ZNF804B: variants seen among roughly 807,000 people sequenced by gnomAD.
ZNF804B encodes zinc finger protein 804B, also known as zinc finger 804B.
Under a neutral mutation model 101.4 loss-of-function variants are expected in ZNF804B, and 80 were observed. The ratio of observed to expected loss-of-function variants is 0.79; its 90% CI spans 0.66 to 0.95. The LOEUF is 0.95. Ranked by LOEUF, ZNF804B falls within the 40% of genes least tolerant of loss-of-function variation. The probability of loss-of-function intolerance (pLI) is 0.00; values close to 1 mark genes in which losing one functional copy is unlikely to be tolerated. For missense variants in ZNF804B, 1,673 were observed against 1,561.9 expected, an observed-to-expected ratio of 1.07 and a Z score of -1.20; for synonymous variants, 622 against 558.8, an observed-to-expected ratio of 1.11 and a Z score of -1.59.
chr7:89,200,329 G>GC (rs919738573), intron 1 of ZNF804B, among the ~76,000 whole-genome samples: 1 of 151,858 alleles, frequency 6.6e-6, no homozygotes, highest in African/African-American at 2.4e-5. Context: ...AATTCCTATA[G>GC]CCCCTAACAC....
chr7:88,868,522 A>G (rs1377578216), intron 1 of ZNF804B, among the ~76,000 whole-genome samples: 1 of 152,210 alleles, frequency 6.6e-6, no homozygotes, highest in Middle Eastern at 3.2e-3. Context: ...ATTCAGGCAC[A>G]TACTCCCATA....
chr7:89,269,069 C>A (rs774681102), intron 2 of ZNF804B, among the ~76,000 whole-genome samples: 4 of 151,446 alleles, frequency 2.6e-5, no homozygotes, highest in African/African-American at 7.3e-5. Flanking sequence ...ATGTTTTCTT[C>A]TTTGTTTATT....
chr7:89,324,641 G>T (rs1337958837), intron 2 of ZNF804B, among the ~76,000 whole-genome samples: 1 of 84,496 alleles, frequency 1.2e-5, no homozygotes, highest in East Asian at 2.9e-4. Context: ...TTCTTGCACT[G>T]AGTACATTTA....
intron 1 of ZNF804B, among the ~76,000 whole-genome samples, chr7:89,033,644 T>G (rs984293189): frequency 6.6e-6 from 1 of 152,082 alleles, no homozygotes; most frequent in South Asian, 2.1e-4. Context: ...AATGTGAAAC[T>G]TAAAACATGA....
intron 1 of ZNF804B, among the ~76,000 whole-genome samples, chr7:89,026,999 T>G (rs1788761934): frequency 6.6e-6 from 1 of 152,036 alleles, no homozygotes; most frequent in African/African-American, 2.4e-5. Context: ...GGCCTTAGAA[T>G]AAAATTCCTG....
intron 1 of ZNF804B, among the ~76,000 whole-genome samples, chr7:89,167,466 T>C (rs1047054615): frequency 6.6e-6 from 1 of 151,788 alleles, no homozygotes; most frequent in African/African-American, 2.4e-5. Flanking sequence ...AATAAATAAA[T>C]AAATAATCCC....
intron 1 of ZNF804B, among the ~76,000 whole-genome samples, chr7:89,180,145 A>G (rs1158940781): frequency 1.3e-5 from 2 of 152,204 alleles, no homozygotes; most frequent in South Asian, 2.1e-4. Context: ...TGTGTTGACT[A>G]TTGCTTAGCT....
At chr7:89,241,550 T>C (rs1053769756) in intron 2 of ZNF804B, among the ~76,000 whole-genome samples, 1 of 152,138 alleles carries the variant, frequency 6.6e-6, no homozygotes, top group African/African-American at 2.4e-5. Flanking sequence ...ACCTGATTCA[T>C]AATAGGTACT....
At chr7:89,070,102 C>T (rs556027417) in intron 1 of ZNF804B, among the ~76,000 whole-genome samples, 3 of 152,210 alleles carry the variant, frequency 2.0e-5, no homozygotes, top group Admixed American at 6.5e-5. Context: ...TAACAGCAAA[C>T]AAATCAGTAG....
At chr7:89,085,731 GTAGT>G (rs576528415) in intron 1 of ZNF804B, among the ~76,000 whole-genome samples, 184 of 151,976 alleles carry the variant, frequency 1.2e-3, no homozygotes, top group Middle Eastern at 6.8e-3. Flanking sequence ...TCTGATTACA[GTAGT>G]TAAAGGCTGT....
intron 1 of ZNF804B, among the ~76,000 whole-genome samples, chr7:88,849,600 A>T (rs1179420017): frequency 6.6e-6 from 1 of 151,728 alleles, no homozygotes; most frequent in Admixed American, 6.6e-5. Flanking sequence ...CCTCAGTTCA[A>T]GTAATTCTTC....
chr7:88,947,522 G>A lies in ZNF804B; in HGVS notation c.108+187438G>A, dbSNP rs114602086. The stretch of plus-strand genomic sequence containing the variant: ...AAACACCAGGGCCTGTCAGGTGGTG[G>A]GGGGCTAGGGGAAGGGAGGGGTAGC... On this transcript the variant is annotated intron_variant, in intron 1 of 3. Coordinates refer to ENST00000333190, the MANE Select transcript of ZNF804B (RefSeq NM_181646.5). Among the ~76,000 whole-genome samples, 1,269 of 151,884 alleles carry A rather than the reference G, an allele frequency of 8.4e-3. 23 individuals are homozygous for A. The highest frequency in any genetic ancestry group is 0.03 in the African/African-American group (1,232 of 41,448).
chr7:89,286,366 AAAGAATTATATCATTG>A (rs1790196143), intron 2 of ZNF804B, among the ~76,000 whole-genome samples: 1 of 152,218 alleles, frequency 6.6e-6, no homozygotes, highest in African/African-American at 2.4e-5. Flanking sequence ...TGAAAGTCTG[AAAGAATTATATCATTG>A]AAGATGCCAT....
At chr7:89,304,570 A>C (rs1790533034) in intron 2 of ZNF804B, among the ~76,000 whole-genome samples, 1 of 146,766 alleles carries the variant, frequency 6.8e-6, no homozygotes, top group Non-Finnish European at 1.5e-5. Flanking sequence ...TGTAGACATA[A>C]GAAAATTTTT....
intron 1 of ZNF804B, among the ~76,000 whole-genome samples, chr7:88,924,284 A>G (rs1339055843): frequency 6.6e-6 from 1 of 151,958 alleles, no homozygotes; most frequent in African/African-American, 2.4e-5. Context: ...AAAATCTATC[A>G]TATCTAATTA....
intron 1 of ZNF804B, among the ~76,000 whole-genome samples, chr7:88,808,310 A>T (rs916167119): frequency 6.6e-6 from 1 of 151,494 alleles, no homozygotes; most frequent in Non-Finnish European, 1.5e-5. Context: ...TGAACCCAGG[A>T]GACGGAGGTT....
intron 1 of ZNF804B, among the ~76,000 whole-genome samples, chr7:89,206,333 T>G (rs1440178927): frequency 6.6e-6 from 1 of 152,270 alleles, no homozygotes; most frequent in East Asian, 1.9e-4. Context: ...AGCTTGAATT[T>G]CTTCCCAGAA....
rs140358510 is a variant in ZNF804B, at chr7:88,760,713, T to G, written c.108+629T>G. On this transcript the variant is annotated intron_variant, in intron 1 of 3. Transcript: ENST00000333190. Reference sequence around the variant, plus strand: ...GTGATTGCTTTTTAACTTAGTAAACTATTCAATTTAGTTACTATTCAGTTT... The same window carrying G: ...GTGATTGCTTTTTAACTTAGTAAACGATTCAATTTAGTTACTATTCAGTTT... Among the ~76,000 whole-genome samples the G allele has an allele frequency of 2.0e-5, 3 of 151,870 alleles. No individual in the cohort carries two copies. The East Asian group carries it at 5.8e-4, about 29-fold the overall frequency.
intron 1 of ZNF804B, among the ~76,000 whole-genome samples, chr7:89,018,110 G>C (rs374880602): frequency 6.6e-6 from 1 of 152,020 alleles, no homozygotes; most frequent in African/African-American, 2.4e-5. Flanking sequence ...TAGAGGACAG[G>C]CTTTCCGTTT....
Sources: gnomAD v4.1 joint callset for allele counts (sites outside exome capture counted in the v4.1 genomes callset) on GRCh38, gnomAD v4.1.1 for gene constraint, MANE v1.5 for transcripts, NCBI Gene and HGNC (gene_info 2026-07-23, HGNC 2026-07-21) for gene names.